The following FAM3C variants were observed in gnomAD, a reference collection of about 807,000 sequenced individuals.
The protein encoded by FAM3C is FAM3 metabolism regulating signaling molecule C, also known as protein FAM3C.
In FAM3C, 15 loss-of-function variants were observed where a neutral mutation model predicts 32.5. The observed-to-expected ratio is 0.46, with a 90% CI of 0.31 to 0.71. FAM3C has a LOEUF of 0.71. Ranked by LOEUF, FAM3C falls within the 30% of genes least tolerant of loss-of-function variation. The pLI is 0.05. For missense variants in FAM3C, 175 were observed against 274.4 expected (o/e 0.64, Z 2.56); for synonymous variants, 75 against 86.1 (o/e 0.87, Z 0.72).
Position 121,371,345 on chromosome 7 carries a change from C to G in FAM3C, c.227G>C (p.Gly76Ala). ...TTTGGGTCCCACCACGTTGGCTGCT[C>G]CACTTGCCATTTTAAAAGCAAAATG... is the stretch of plus-strand genomic sequence containing the variant. The part of the protein sequence containing the change: ...EKHFAFKMAS[G>A]AANVVGPKIC... The change falls in exon 5 of 10, where the codon GGA (glycine) becomes GCA (alanine). Residue 76 changes from glycine (G) to alanine (A), a missense_variant. Coordinates refer to ENST00000359943, the MANE Select transcript of FAM3C (RefSeq NM_014888.3). 1 of 1,613,794 alleles carries G rather than the reference C, an allele frequency of 6.2e-7. No homozygotes were observed.
intron 8 of FAM3C, among the ~76,000 whole-genome samples, chr7:121,357,074 A>G (rs1793828786): frequency 6.6e-6 from 1 of 152,204 alleles, no homozygotes; most frequent in Admixed American, 6.5e-5. Context: ...TTCTTTGACC[A>G]TTATATGTAC....
At chr7:121,375,457 T>C (rs544478828) in intron 3 of FAM3C, among the ~76,000 whole-genome samples, 3 of 152,264 alleles carry the variant, frequency 2.0e-5, no homozygotes, top group African/African-American at 7.2e-5. Context: ...GTAAGGAGTT[T>C]GGACTTTATC....
chr7:121,371,211 A>G, intron 5 of FAM3C, 89 bp downstream of exon 5: 4 of 1,462,076 alleles, frequency 2.7e-6, no homozygotes, highest in Non-Finnish European at 3.8e-6. Context: ...AAGTATACCG[A>G]ACACATTTTC....
At chr7:121,378,054 C>T (rs541030860) in intron 3 of FAM3C, among the ~76,000 whole-genome samples, 18 of 152,172 alleles carry the variant, frequency 1.2e-4, no homozygotes, top group African/African-American at 4.1e-4. Flanking sequence ...AGTCTTATAG[C>T]GGTATATTTA....
At position 121,396,215 on chromosome 7, in the gene FAM3C, C is replaced by T. The variant is rs2116988753; in HGVS notation, c.-95G>A. 6.5e-6 allele frequency: 1 copy of T among 152,976 alleles called. No homozygotes were observed. Among genetic ancestry groups the T allele is most frequent in the East Asian group, 1.9e-4 (1 of 5,204 alleles). 9.5% of individuals were successfully genotyped at this position (152,976 alleles called of 1,614,324 possible). On this transcript the variant is annotated 5_prime_UTR_variant, in exon 1 of 10. Coordinates refer to ENST00000359943, the MANE Select transcript of FAM3C (RefSeq NM_014888.3). Reference sequence around the variant, plus strand: ...GCGCCCGCCTTCCGGCCTCCCAGCGCTCAGTCCTGCCGGAGGCCGACGGGA... The same window carrying T: ...GCGCCCGCCTTCCGGCCTCCCAGCGTTCAGTCCTGCCGGAGGCCGACGGGA...
intron 7 of FAM3C, among the ~76,000 whole-genome samples, chr7:121,361,910 G>A (rs1043715526): frequency 2.0e-5 from 3 of 152,094 alleles, no homozygotes; most frequent in Non-Finnish European, 4.4e-5. Flanking sequence ...ATCTCCTGAC[G>A]TCGTGATCTG....
chr7:121,374,561 G>T (rs1794206277), intron 3 of FAM3C, among the ~76,000 whole-genome samples: 1 of 152,164 alleles, frequency 6.6e-6, no homozygotes, highest in Admixed American at 6.5e-5. Context: ...GATTAAATAT[G>T]TTAACCTTTC....
In FAM3C at chr7:121,377,089, G is replaced by A. The variant is rs562200920; in HGVS notation, c.118+1821C>T. 4.6e-5 allele frequency among the ~76,000 whole-genome samples: 7 copies of A among 151,996 alleles called. No homozygotes were observed. The South Asian group carries it at 1.5e-3, about 32-fold the overall frequency. On this transcript the variant is annotated intron_variant, in intron 3 of 9. Coordinates refer to ENST00000359943, the MANE Select transcript of FAM3C (RefSeq NM_014888.3). ...CCTAGTGGGAAGTAATTGAATCCTG[G>A]GGGCAATTACCTCCATGCTGTTCTC...
intron 8 of FAM3C, among the ~76,000 whole-genome samples, chr7:121,358,068 C>A (rs1793847210): frequency 6.6e-6 from 1 of 152,092 alleles, no homozygotes; most frequent in African/African-American, 2.4e-5. Flanking sequence ...CTAATTACAT[C>A]CTGTTTCATT....
intron 2 of FAM3C, among the ~76,000 whole-genome samples, chr7:121,380,733 T>TATATATATATATATATATATA (rs1794332489): frequency 1.5e-5 from 2 of 133,980 alleles, no homozygotes; most frequent in Admixed American, 7.4e-5. Flanking sequence ...TACAAACATT[T>TATATATATATATATATATATA]TATATATATA....
At chr7:121,376,333 AG>A (rs1391405124) in intron 3 of FAM3C, among the ~76,000 whole-genome samples, 88 of 152,216 alleles carry the variant, frequency 5.8e-4, no homozygotes, top group African/African-American at 2.1e-3. Flanking sequence ...TTGTAAAGGA[AG>A]GTCTGACGGA....
At chr7:121,362,716 G>A in intron 7 of FAM3C, 181 bp downstream of exon 7, 1 of 549,408 alleles carries the variant, frequency 1.8e-6, no homozygotes, top group South Asian at 2.5e-5. Context: ...CTAAGAAGAA[G>A]AAAGTATATA....
chr7:121,389,178 C>T (rs1237458429), intron 1 of FAM3C, among the ~76,000 whole-genome samples: 1 of 152,166 alleles, frequency 6.6e-6, no homozygotes, highest in Non-Finnish European at 1.5e-5. Flanking sequence ...ACAGGCCATA[C>T]ACACTACATT....
chr7:121,356,108 C>A (rs112494613), intron 8 of FAM3C, among the ~76,000 whole-genome samples: 1 of 149,842 alleles, frequency 6.7e-6, no homozygotes, highest in African/African-American at 2.4e-5. Context: ...AACTCACGAG[C>A]CAAAAATGTA....
intron 8 of FAM3C, among the ~76,000 whole-genome samples, chr7:121,357,537 T>G (rs374988269): frequency 2.6e-5 from 4 of 152,158 alleles, no homozygotes; most frequent in East Asian, 3.8e-4. Flanking sequence ...ATTGCCTTTC[T>G]TAAGGATGTT....
intron 5 of FAM3C, among the ~76,000 whole-genome samples, chr7:121,370,276 C>G (rs1440992328): frequency 6.6e-6 from 1 of 152,106 alleles, no homozygotes; most frequent in East Asian, 1.9e-4. Context: ...TCATCTAGCT[C>G]AAGCCCTTAA....
chr7:121,378,877 T>C (rs1310563458), intron 3 of FAM3C, 33 bp downstream of exon 3: 1 of 1,217,908 alleles, frequency 8.2e-7, no homozygotes, highest in Non-Finnish European at 1.2e-6. Flanking sequence ...ACATCAAAAA[T>C]AAGATTTAAG....
intron 7 of FAM3C, 173 bp downstream of exon 7, chr7:121,362,724 A>G: frequency 1.7e-6 from 1 of 575,696 alleles, no homozygotes; most frequent in Non-Finnish European, 3.1e-6. Flanking sequence ...AAGAAAGTAT[A>G]TAAAACATGA....
chr7:121,388,100 A>G (rs1405706263), intron 1 of FAM3C, among the ~76,000 whole-genome samples: 1 of 152,162 alleles, frequency 6.6e-6, no homozygotes, highest in Non-Finnish European at 1.5e-5. Context: ...GAAATATTGT[A>G]AATTTAACAA....
Sources: gnomAD v4.1 joint callset for allele counts (sites outside exome capture counted in the v4.1 genomes callset) on GRCh38, gnomAD v4.1.1 for gene constraint, MANE v1.5 for transcripts, NCBI Gene and HGNC (gene_info 2026-07-23, HGNC 2026-07-21) for gene names.